Variants in NR2F6 observed in about 807,000 individuals in gnomAD.
The protein encoded by NR2F6 is nuclear receptor subfamily 2 group F member 6, also known as ERBA-related gene-2.
In NR2F6, 16 loss-of-function variants were observed where a neutral mutation model predicts 26.5. The ratio of observed to expected loss-of-function variants is 0.60; its 90% CI spans 0.41 to 0.92. NR2F6 has a LOEUF of 0.92. Ranked by LOEUF, NR2F6 falls within the 40% of genes least tolerant of loss-of-function variation. The probability of loss-of-function intolerance (pLI) is 0.00; values close to 1 mark genes in which losing one functional copy is unlikely to be tolerated. For missense variants in NR2F6, 536 were observed against 631.7 expected (o/e 0.85, Z 1.62); for synonymous variants, 325 against 305.0 (o/e 1.07, Z -0.68).
chr19:17,237,684 A>T (rs1226732423), intron 2 of NR2F6, among the ~76,000 whole-genome samples: 3 of 152,144 alleles, frequency 2.0e-5, no homozygotes, highest in African/African-American at 7.2e-5. Flanking sequence ...TGCTGGGATT[A>T]CAGGCGTGAG....
rs1053113956 is a variant in NR2F6 at position 17,245,236 on chromosome 19, G to A, written c.-16C>T. On this transcript the variant is annotated 5_prime_UTR_variant, in exon 1 of 4. Transcript: ENST00000291442. The surrounding 1 kb of genome is among the most constrained non-coding windows in gnomAD (Gnocchi z 5.0). ...CCATGGCCATAGCCCCAGGGCAGCG[G>A]GGCCGGGGCGCCCCCACCGCGCTCT... The A allele has an allele frequency of 6.4e-6, 8 of 1,249,560 alleles. No individual in the cohort carries two copies. The highest frequency in any genetic ancestry group is 8.0e-6 in the Non-Finnish European group (8 of 1,000,518). The allele number at this position is 1,249,560 out of a possible 1,614,324, so 77.4% of individuals were successfully genotyped here. A position where few individuals can be genotyped will look rare whatever the true frequency, so the allele number is the denominator to read the frequency against.
chr19:17,232,989 A>G (rs1054940516), intron 3 of NR2F6, among the ~76,000 whole-genome samples: 44 of 152,264 alleles, frequency 2.9e-4, no homozygotes, highest in Admixed American at 1.0e-3. Context: ...CTCTACTAAA[A>G]ATAAGAATAA....
intron 3 of NR2F6, among the ~76,000 whole-genome samples, chr19:17,233,355 C>T (rs563245116): frequency 2.1e-4 from 31 of 149,202 alleles, no homozygotes; most frequent in African/African-American, 7.0e-4. Context: ...CAAAAAACGA[C>T]CCTGGGATGC....
intron 2 of NR2F6, among the ~76,000 whole-genome samples, chr19:17,239,549 G>A (rs2145566935): frequency 6.6e-6 from 1 of 152,150 alleles, no homozygotes; most frequent in African/African-American, 2.4e-5. Context: ...AGCTACTCCG[G>A]AGGCTGAGGC....
Position 17,245,092 on chromosome 19 carries a change from C to T in NR2F6, c.129G>A (p.Glu43=). ...GCCCCGGCCGCTCCTCGTCGCCCGG[C>T]TCGGCGTCGCTGGCGGCACCGGGGG... ...ASPPGAASDA[E]PGDEERPGLQ... is the part of the protein sequence containing the mutation. Residue 43 remains glutamate, a synonymous_variant, in exon 1 of 4, where the codon GAG becomes GAA. Coordinates refer to ENST00000291442, the MANE Select transcript of NR2F6 (RefSeq NM_005234.4). The surrounding 1 kb of genome is among the most constrained non-coding windows in gnomAD (Gnocchi z 5.0). 1 of 1,576,620 alleles carries T rather than the reference C, an allele frequency of 6.3e-7. No homozygotes were observed. Among genetic ancestry groups the T allele is most frequent in the South Asian group, 1.2e-5 (1 of 86,284 alleles).
Position 17,235,135 on chromosome 19 carries a change from G to A in NR2F6, c.940+364C>T, listed in dbSNP as rs1250081831. 3.3e-5 allele frequency among the ~76,000 whole-genome samples: 5 copies of A among 152,218 alleles called. No homozygotes were observed. The highest frequency in any genetic ancestry group is 1.2e-4 in the African/African-American group (5 of 41,456). The stretch of plus-strand genomic sequence containing the variant: ...TTCCCTCCCACGTCCCCCCAACCTT[G>A]TGCTATCAGTGCTCACTAAGCCTGA... On this transcript the variant is annotated intron_variant, in intron 3 of 3. Transcript: ENST00000291442. The surrounding 1 kb of genome is among the most constrained non-coding windows in gnomAD (Gnocchi z 5.0).
chr19:17,242,668 G>A (rs1187950242), intron 1 of NR2F6, among the ~76,000 whole-genome samples: 2 of 152,212 alleles, frequency 1.3e-5, no homozygotes, highest in African/African-American at 2.4e-5. Flanking sequence ...AAAGCCCAGC[G>A]GCTGGGTGGT....
chr19:17,235,321 C>T lies in NR2F6; in HGVS notation c.940+178G>A, dbSNP rs1163794966. ...ACGGAGTGGGGGTGTCACAGTGTCACACTGCTTACATCACCCCTCTACAGC... is the reference window on the plus strand; with the variant it reads ...ACGGAGTGGGGGTGTCACAGTGTCATACTGCTTACATCACCCCTCTACAGC... On this transcript the variant is annotated intron_variant, in intron 3 of 3. Transcript: ENST00000291442. This position sits in a 1 kb window ranked among gnomAD's most constrained non-coding sequence, Gnocchi z 5.0. Among the ~76,000 whole-genome samples, 1 of 152,226 alleles carries T rather than the reference C, an allele frequency of 6.6e-6. No individual in the cohort carries two copies. The highest frequency in any genetic ancestry group is 1.9e-4 in the East Asian group (1 of 5,188).
Position 17,235,577 on chromosome 19 carries a change from G to C in NR2F6, c.862C>G (p.Gln288Glu). 1 of 1,590,652 alleles carries C rather than the reference G, an allele frequency of 6.3e-7. No homozygotes were observed. Among genetic ancestry groups the C allele is most frequent in the Non-Finnish European group, 8.5e-7 (1 of 1,175,786 alleles). ...TGCAGGCGGCCCAGCTTGTCCACCT[G>C]CTCCTGGAAGGCGCGCACCTGGTCC... Reference protein sequence around the residue: ...FMDQVRAFQEQVDKLGRLQVD... With the variant: ...FMDQVRAFQEEVDKLGRLQVD... Residue 288 changes from glutamine to glutamate, a missense_variant, in exon 3 of 4, where the codon CAG (glutamine) becomes GAG (glutamate). Transcript: ENST00000291442. The surrounding 1 kb of genome is among the most constrained non-coding windows in gnomAD (Gnocchi z 5.0).
Position 17,235,402 on chromosome 19 carries a change from G to A in NR2F6, c.940+97C>T. 2 of 1,498,266 alleles carry A rather than the reference G, an allele frequency of 1.3e-6. No individual in the cohort carries two copies. Among genetic ancestry groups the A allele is most frequent in the Non-Finnish European group, 1.8e-6 (2 of 1,130,016 alleles). 92.8% of individuals were successfully genotyped at this position (1,498,266 alleles called of 1,614,324 possible). On this transcript the variant is annotated intron_variant, in intron 3 of 3. Transcript: ENST00000291442. This position sits in a 1 kb window ranked among gnomAD's most constrained non-coding sequence, Gnocchi z 5.0. ...AGGGCCCCAGGCCTAGGGAGCGAGCGGGGCGCTATGGGGGCCGGAGTCTGG... is the reference window on the plus strand; with the variant it reads ...AGGGCCCCAGGCCTAGGGAGCGAGCAGGGCGCTATGGGGGCCGGAGTCTGG...
chr19:17,240,582 G>A (rs2073463764), intron 2 of NR2F6, 89 bp downstream of exon 2: 1 of 1,224,916 alleles, frequency 8.2e-7, no homozygotes, highest in Non-Finnish European at 1.2e-6. Flanking sequence ...GGGGTGAAAG[G>A]GAGGGGAAAA....
chr19:17,241,448 G>A (rs567153725), intron 1 of NR2F6, among the ~76,000 whole-genome samples: 7 of 152,342 alleles, frequency 4.6e-5, no homozygotes, highest in Admixed American at 2.6e-4. Flanking sequence ...AGTGAATGCC[G>A]TTGCCTCTTG....
intron 3 of NR2F6, 104 bp from the exon 4 acceptor site, chr19:17,232,730 G>GGGCC (rs2073414956): frequency 2.2e-6 from 3 of 1,368,414 alleles, no homozygotes; most frequent in Admixed American, 2.7e-5. Context: ...TAAGAACAGG[G>GGGCC]GGCCGGGCAT....
intron 1 of NR2F6, 36 bp from the exon 2 acceptor site, chr19:17,240,801 C>G: frequency 6.2e-7 from 1 of 1,600,856 alleles, no homozygotes. Flanking sequence ...CCCTGAGACC[C>G]CCATATCCTC....
Position 17,245,029 on chromosome 19 carries a change from G to T in NR2F6, c.192C>A (p.Ser64Arg). 1 of 1,602,116 alleles carries T rather than the reference G, an allele frequency of 6.2e-7. No individual in the cohort carries two copies. The highest frequency in any genetic ancestry group is 8.5e-7 in the Non-Finnish European group (1 of 1,175,054). Reference sequence around the variant, plus strand: ...AGGTGAAGACACCGTAATGCTTGCCGCTCGACTTGTCCCCGCACACCACGC... The same window carrying T: ...AGGTGAAGACACCGTAATGCTTGCCTCTCGACTTGTCCCCGCACACCACGC... ...VDCVVCGDKS[S>R]GKHYGVFTCE... is the part of the protein sequence containing the mutation. The change falls in exon 1 of 4, where the codon AGC becomes AGA. Residue 64 changes from serine (S) to arginine (R), a missense_variant. Transcript: ENST00000291442. This position sits in a 1 kb window ranked among gnomAD's most constrained non-coding sequence, Gnocchi z 5.0.
Position 17,235,120 on chromosome 19 carries a change from C to T in NR2F6, c.940+379G>A, listed in dbSNP as rs2145563528. ...CAGGGGGTCAGGACCTTCCCTCCCACGTCCCCCCAACCTTGTGCTATCAGT... is the reference window on the plus strand; with the variant it reads ...CAGGGGGTCAGGACCTTCCCTCCCATGTCCCCCCAACCTTGTGCTATCAGT... On this transcript the variant is annotated intron_variant, in intron 3 of 3. Coordinates refer to ENST00000291442, the MANE Select transcript of NR2F6 (RefSeq NM_005234.4). This position sits in a 1 kb window ranked among gnomAD's most constrained non-coding sequence, Gnocchi z 5.0. Among the ~76,000 whole-genome samples, 1 of 152,342 alleles carries T rather than the reference C, an allele frequency of 6.6e-6. No homozygotes were observed. The highest frequency in any genetic ancestry group is 1.9e-4 in the East Asian group (1 of 5,178).
chr19:17,241,304 A>T (rs2073467894), intron 1 of NR2F6, among the ~76,000 whole-genome samples: 2 of 149,726 alleles, frequency 1.3e-5, no homozygotes, highest in African/African-American at 5.0e-5. Flanking sequence ...TATCACCCGC[A>T]CAATGCCCAC....
chr19:17,241,199 A>T (rs1251189809), intron 1 of NR2F6, among the ~76,000 whole-genome samples: 1 of 152,202 alleles, frequency 6.6e-6, no homozygotes, highest in Non-Finnish European at 1.5e-5. Flanking sequence ...GAAGGCAAAG[A>T]GGACATGGTC....
At chr19:17,240,583 G>A (rs115141412) in intron 2 of NR2F6, 88 bp downstream of exon 2, 39 of 1,227,602 alleles carry the variant, frequency 3.2e-5, no homozygotes, top group South Asian at 5.8e-5. Context: ...GGGTGAAAGG[G>A]AGGGGAAAAA....
Sources: gnomAD v4.1 joint callset for allele counts (sites outside exome capture counted in the v4.1 genomes callset) on GRCh38, gnomAD v4.1.1 for gene constraint, Gnocchi (gnomAD v3.1) non-coding constraint, MANE v1.5 for transcripts, NCBI Gene and HGNC (gene_info 2026-07-23, HGNC 2026-07-21) for gene names.